Variants in PHACTR3 observed in about 807,000 individuals in gnomAD.
The protein encoded by PHACTR3 is phosphatase and actin regulator 3.
Under a neutral mutation model 66.8 loss-of-function variants are expected in PHACTR3, and 16 were observed. The ratio of observed to expected loss-of-function variants is 0.24; its 90% confidence interval spans 0.16 to 0.36. The LOEUF (loss-of-function observed/expected upper bound fraction) is 0.36. Ranked by LOEUF, PHACTR3 falls within the 10% of genes least tolerant of loss-of-function variation. The pLI is 1.00. For missense variants in PHACTR3, 647 were observed against 719.9 expected, an observed-to-expected ratio of 0.90 and a Z score of 1.16; for synonymous variants, 323 against 292.1, an observed-to-expected ratio of 1.11 and a Z score of -1.08.
intron 2 of PHACTR3, among the ~76,000 whole-genome samples, chr20:59,746,352 C>G (rs561546171): frequency 6.6e-6 from 1 of 152,236 alleles, no homozygotes; most frequent in South Asian, 2.1e-4. Flanking sequence ...CATCTGTCCT[C>G]CCACCTGTGC....
At chr20:59,842,102 C>A (rs924953321) in intron 11 of PHACTR3, among the ~76,000 whole-genome samples, 5 of 152,074 alleles carry the variant, frequency 3.3e-5, no homozygotes, top group Admixed American at 6.6e-5. Context: ...AACTGAACAG[C>A]TAGAGAGGCA....
intron 8 of PHACTR3, among the ~76,000 whole-genome samples, chr20:59,818,464 C>G (rs986668695): frequency 2.6e-5 from 4 of 152,222 alleles, no homozygotes; most frequent in African/African-American, 9.7e-5. Context: ...ATTCACACAC[C>G]ACATGCTTCA....
intron 1 of PHACTR3, among the ~76,000 whole-genome samples, chr20:59,682,682 G>T (rs532056440): frequency 6.6e-6 from 1 of 152,350 alleles, no homozygotes; most frequent in South Asian, 2.1e-4. Context: ...GCAAAGCCGT[G>T]AAGGCGGTGA....
chr20:59,803,873 C>T (rs192087121), intron 7 of PHACTR3, among the ~76,000 whole-genome samples: 117 of 152,202 alleles, frequency 7.7e-4, no homozygotes, highest in Non-Finnish European at 1.0e-3. Flanking sequence ...AGAAAGTAAG[C>T]GTGTTTGGGG....
At chr20:59,671,192 G>A (rs1260695070) in intron 1 of PHACTR3, among the ~76,000 whole-genome samples, 1 of 152,158 alleles carries the variant, frequency 6.6e-6, no homozygotes, top group Non-Finnish European at 1.5e-5. Flanking sequence ...AGAATATTTG[G>A]CCTTCCTTGG....
At chr20:59,779,560 T>C (rs2146916539) in intron 7 of PHACTR3, among the ~76,000 whole-genome samples, 1 of 152,368 alleles carries the variant, frequency 6.6e-6, no homozygotes, top group Middle Eastern at 3.4e-3. Context: ...AATTAATCAA[T>C]TATTAATCGC....
chr20:59,646,637 A>G (rs1361346476), intron 1 of PHACTR3, among the ~76,000 whole-genome samples: 1 of 152,176 alleles, frequency 6.6e-6, no homozygotes, highest in Non-Finnish European at 1.5e-5. Flanking sequence ...CAGTAGATGC[A>G]GTTCCCCAGT....
chr20:59,619,163 G>T (rs1000881923), intron 1 of PHACTR3, among the ~76,000 whole-genome samples: 16 of 152,150 alleles, frequency 1.1e-4, no homozygotes, highest in Admixed American at 2.0e-4. Flanking sequence ...AGTGTGGCAG[G>T]AACCAGTGAC....
At chr20:59,776,400 C>T (rs1055485626) in intron 7 of PHACTR3, among the ~76,000 whole-genome samples, 5 of 152,210 alleles carry the variant, frequency 3.3e-5, no homozygotes, top group African/African-American at 7.2e-5. Context: ...CCGCTCTGTG[C>T]TAGACCCTCT....
intron 1 of PHACTR3, among the ~76,000 whole-genome samples, chr20:59,673,169 A>G (rs1463510048): frequency 6.6e-6 from 1 of 152,182 alleles, no homozygotes; most frequent in Non-Finnish European, 1.5e-5. Flanking sequence ...TTTATTTGGC[A>G]TCTTCTCAGA....
At chr20:59,650,171 A>G (rs1601007171) in intron 1 of PHACTR3, among the ~76,000 whole-genome samples, 1 of 152,186 alleles carries the variant, frequency 6.6e-6, no homozygotes, top group African/African-American at 2.4e-5. Context: ...CATCAGCAGA[A>G]CTATAAATTC....
intron 1 of PHACTR3, among the ~76,000 whole-genome samples, chr20:59,588,448 C>T (rs1484399674): frequency 6.6e-6 from 1 of 152,168 alleles, no homozygotes; most frequent in Non-Finnish European, 1.5e-5. Flanking sequence ...TCCACTTTAT[C>T]CTCTATCTGG....
At chr20:59,607,737 A>T (rs979609232) in intron 1 of PHACTR3, among the ~76,000 whole-genome samples, 2 of 152,108 alleles carry the variant, frequency 1.3e-5, no homozygotes, top group Admixed American at 6.5e-5. Context: ...TGGCTCTTCC[A>T]TGAGTGGTTC....
Position 59,841,353 on chromosome 20 carries a change from G to A in PHACTR3, c.1447-42G>A. The A allele has an allele frequency of 1.9e-6, 3 of 1,579,856 alleles. No homozygotes were observed. In the South Asian group the frequency reaches 3.5e-5, roughly 18 times the overall value. ...TGTTCAGAGTACTTCAAAAAAGCTA[G>A]TTTGGCATGTGATACTTAACTATGA... On this transcript the variant is annotated intron_variant, in intron 10 of 12. Coordinates refer to ENST00000371015, the MANE Select transcript of PHACTR3 (RefSeq NM_080672.5).
At chr20:59,766,434 A>G (rs1018268695) in intron 4 of PHACTR3, among the ~76,000 whole-genome samples, 52 of 152,322 alleles carry the variant, frequency 3.4e-4, no homozygotes, top group Non-Finnish European at 6.0e-4. Context: ...ATTGTTGTTG[A>G]AATAATGGAT....
At chr20:59,650,385 G>C (rs976418436) in intron 1 of PHACTR3, among the ~76,000 whole-genome samples, 3 of 151,972 alleles carry the variant, frequency 2.0e-5, no homozygotes, top group Non-Finnish European at 2.9e-5. Flanking sequence ...GTTCTCGTTG[G>C]GGGGAGGGCG....
chr20:59,629,901 A>G (rs1274260959), intron 1 of PHACTR3, among the ~76,000 whole-genome samples: 1 of 152,186 alleles, frequency 6.6e-6, no homozygotes, highest in African/African-American at 2.4e-5. Flanking sequence ...GCATTAAATG[A>G]CACCCGTGGG....
At chr20:59,776,834 C>T (rs2040556844) in intron 7 of PHACTR3, among the ~76,000 whole-genome samples, 1 of 150,786 alleles carries the variant, frequency 6.6e-6, no homozygotes, top group African/African-American at 2.4e-5. Flanking sequence ...ACCCTTGGCT[C>T]CCACCTCTGT....
intron 1 of PHACTR3, among the ~76,000 whole-genome samples, chr20:59,702,279 G>T (rs958969795): frequency 6.6e-6 from 1 of 152,082 alleles, no homozygotes; most frequent in African/African-American, 2.4e-5. Context: ...TCCCTGTCTG[G>T]CCTCTTCTCC....
Sources: allele counts gnomAD v4.1 joint callset (sites outside exome capture counted in the v4.1 genomes callset), GRCh38; gene constraint gnomAD v4.1.1; transcripts MANE v1.5; gene names NCBI Gene and HGNC (gene_info 2026-07-23, HGNC 2026-07-21).